Variants in FGD6 observed in about 807,000 individuals in gnomAD.
FGD6 encodes FYVE, RhoGEF and PH domain containing 6, also known as FYVE, RhoGEF and PH domain-containing protein 6.
FGD6 carries 90 observed loss-of-function variants against 149.4 expected under a neutral mutation model. The ratio of observed to expected loss-of-function variants is 0.60; its 90% CI spans 0.51 to 0.72. The LOEUF (loss-of-function observed/expected upper bound fraction) is 0.72. FGD6 is among the 30% of genes least tolerant of loss of function. The pLI is 0.00. For synonymous variants in FGD6, 527 were observed against 584.0 expected (o/e 0.90, Z 1.41); for missense variants, 1,437 against 1,684.8 (o/e 0.85, Z 2.57).
At chr12:95,115,817 C>T (rs1383461083) in intron 8 of FGD6, among the ~76,000 whole-genome samples, 2 of 152,154 alleles carry the variant, frequency 1.3e-5, no homozygotes, top group Non-Finnish European at 2.9e-5. Flanking sequence ...CAAACACGCG[C>T]CCAATTGCTG....
intron 3 of FGD6, among the ~76,000 whole-genome samples, chr12:95,169,942 G>A (rs775348735): frequency 6.6e-6 from 1 of 151,902 alleles, no homozygotes; most frequent in Non-Finnish European, 1.5e-5. Flanking sequence ...CCAACATGGT[G>A]AAACTCCTTC....
intron 2 of FGD6, among the ~76,000 whole-genome samples, chr12:95,176,805 AATT>A (rs1471708390): frequency 6.6e-6 from 1 of 152,048 alleles, no homozygotes; most frequent in Non-Finnish European, 1.5e-5. Flanking sequence ...TTTTAGAAGG[AATT>A]ATCTTTTAAA....
chr12:95,212,004 G>T (rs1371852661), intron 1 of FGD6, among the ~76,000 whole-genome samples: 2 of 151,998 alleles, frequency 1.3e-5, no homozygotes, highest in South Asian at 2.1e-4. Context: ...TGTCTACCTC[G>T]ATAGATAGAA....
intron 15 of FGD6, among the ~76,000 whole-genome samples, chr12:95,093,689 A>AG (rs1878141806): frequency 6.7e-6 from 1 of 150,256 alleles, no homozygotes; most frequent in African/African-American, 2.5e-5. Flanking sequence ...AAAAAAAAAA[A>AG]AATACAAAAA....
intron 8 of FGD6, chr12:95,125,937 T>A: frequency 6.9e-7 from 1 of 1,457,808 alleles, no homozygotes; most frequent in Non-Finnish European, 9.6e-7. Flanking sequence ...GCTCACTGAT[T>A]TCATCCTCAA....
chr12:95,125,466 C>T (rs1879307353), intron 8 of FGD6, among the ~76,000 whole-genome samples: 1 of 151,976 alleles, frequency 6.6e-6, no homozygotes, highest in Non-Finnish European at 1.5e-5. Flanking sequence ...GATCCCATCT[C>T]TACAAAAAAA....
At position 95,084,600 on chromosome 12, in the gene FGD6, A is replaced by G. The variant is rs778605673; in HGVS notation, c.4154T>C (p.Ile1385Thr). 13 of 1,607,258 alleles carry G rather than the reference A, an allele frequency of 8.1e-6. No individual in the cohort carries two copies. Among genetic ancestry groups the G allele is most frequent in the Non-Finnish European group, 1.0e-5 (12 of 1,178,006 alleles). Residue 1385 changes from isoleucine (I) to threonine (T), a missense_variant, in exon 20 of 21, where the codon ATT becomes ACT. By Grantham distance (89) the Ile-to-Thr change is moderately conservative. Around this residue, in one of 2 missense-constraint regions of FGD6, gnomAD observed 382 missense variants for 538.7 expected, o/e 0.71. Coordinates refer to ENST00000343958, the MANE Select transcript of FGD6 (RefSeq NM_018351.4). ...ESQPLLGFTV[I>T]QVKDENSESK... Reference sequence around the variant, plus strand: ...CTCGGAATTCTCATCTTTAACTTGAATAACAGTGAATCCTAATAAAGGCTG... The same window carrying G: ...CTCGGAATTCTCATCTTTAACTTGAGTAACAGTGAATCCTAATAAAGGCTG...
Position 95,141,533 on chromosome 12 carries a change from G to A in FGD6, c.2692C>T (p.Arg898Trp), listed in dbSNP as rs1269009624. ...CTGGAAGCATGAGCTACTGCATCCCGGAAATCCTATTACAGTCCAGAGCAG... is the reference window on the plus strand; with the variant it reads ...CTGGAAGCATGAGCTACTGCATCCCAGAAATCCTATTACAGTCCAGAGCAG... ...DVLKLLHIDF[R>W]DAVAHASRQL... Residue 898 changes from arginine to tryptophan, a missense_variant, in exon 6 of 21, where the codon CGG becomes TGG. Around this residue, in one of 2 missense-constraint regions of FGD6, gnomAD observed 1,055 missense variants for 1,146.0 expected, o/e 0.92. Transcript: ENST00000343958. The A allele has an allele frequency of 9.9e-6, 16 of 1,613,874 alleles. No homozygotes were observed. Among genetic ancestry groups the A allele is most frequent in the South Asian group, 2.2e-5 (2 of 91,054 alleles).
At chr12:95,138,559 A>G (rs1183526837) in intron 6 of FGD6, among the ~76,000 whole-genome samples, 2 of 151,942 alleles carry the variant, frequency 1.3e-5, no homozygotes, top group African/African-American at 2.4e-5. Flanking sequence ...GAAAAAGAAA[A>G]AAAAAAAAAA....
intron 8 of FGD6, among the ~76,000 whole-genome samples, chr12:95,129,384 G>A (rs1230296211): frequency 6.6e-6 from 1 of 151,594 alleles, no homozygotes; most frequent in African/African-American, 2.4e-5. Flanking sequence ...TGCTGCTACC[G>A]CATGGGGATT....
chr12:95,108,560 A>T lies in FGD6; in HGVS notation c.3135T>A (p.Asp1045Glu). 1 of 1,614,038 alleles carries T rather than the reference A, an allele frequency of 6.2e-7. No homozygotes were observed. The highest frequency in any genetic ancestry group is 8.5e-7 in the Non-Finnish European group (1 of 1,179,880). Residue 1045 changes from aspartate (D) to glutamate (E), a missense_variant and splice_region_variant, in exon 10 of 21, where the codon GAT (aspartate) becomes GAA (glutamate). Asp to Glu is a conservative substitution (Grantham distance 45). Around this residue, in one of 2 missense-constraint regions of FGD6, gnomAD observed 382 missense variants for 538.7 expected, o/e 0.71. Transcript: ENST00000343958. The stretch of plus-strand genomic sequence containing the variant: ...CTACCTCTATAACAACAGCAAGGGC[A>T]TCTGAAATAGGCAGGAACAAAACGT... ...EDAGDYRDTQ[D>E]ALAVVIEVAN...
intron 3 of FGD6, among the ~76,000 whole-genome samples, chr12:95,171,323 T>C (rs185244270): frequency 2.2e-4 from 34 of 152,350 alleles, no homozygotes; most frequent in African/African-American, 8.2e-4. Flanking sequence ...GGCGAAATTA[T>C]GGCACATGAA....
intron 5 of FGD6, among the ~76,000 whole-genome samples, chr12:95,144,380 A>G (rs1166412844): frequency 6.6e-6 from 1 of 151,928 alleles, no homozygotes; most frequent in Non-Finnish European, 1.5e-5. Context: ...GTATATATCC[A>G]TGAAACCCAC....
chr12:95,086,536 CTTTTTTTTTTTT>C (rs1010739533), intron 18 of FGD6, among the ~76,000 whole-genome samples: 12 of 105,760 alleles, frequency 1.1e-4, no homozygotes, highest in African/African-American at 2.8e-4. Flanking sequence ...TTTTTTTTTT[CTTTTTTTTTTTT>C]TTTTTTTTTG....
rs563864979 is a variant in FGD6, at chr12:95,093,721, T to C, written c.3600+871A>G. On this transcript the variant is annotated intron_variant, in intron 15 of 20. Transcript: ENST00000343958. ...AAAATTAGCTGGTCATGGTGGCACG[T>C]GCCTGTAGTCCCAGCTACTTGGGAG... Among the ~76,000 whole-genome samples the C allele has an allele frequency of 3.3e-5, 5 of 150,554 alleles. No homozygotes were observed. The South Asian group carries it at 1.1e-3, about 32-fold the overall frequency.
intron 8 of FGD6, chr12:95,125,841 A>G (rs1879321852): frequency 2.9e-6 from 3 of 1,030,914 alleles, no homozygotes; most frequent in African/African-American, 1.6e-5. Context: ...CATTGTGATC[A>G]TAGATGTTAT....
chr12:95,193,757 G>A (rs1881658728), intron 2 of FGD6, among the ~76,000 whole-genome samples: 1 of 151,924 alleles, frequency 6.6e-6, no homozygotes, highest in Admixed American at 6.6e-5. Context: ...TCAAACTCCT[G>A]ACCCCAGGTG....
At chr12:95,186,228 C>CTTTTTTTTTTTTTTTTTT (rs1174763781) in intron 2 of FGD6, among the ~76,000 whole-genome samples, 5 of 38,998 alleles carry the variant, frequency 1.3e-4, no homozygotes, top group South Asian at 7.9e-4. Context: ...TATTCTTCTT[C>CTTTTTTTTTTTTTTTTTT]TTTTTTTTTT....
intron 7 of FGD6, among the ~76,000 whole-genome samples, chr12:95,136,795 G>C (rs955106923): frequency 3.3e-5 from 5 of 152,206 alleles, no homozygotes; most frequent in African/African-American, 1.2e-4. Context: ...AGGGCTGGGA[G>C]GGAAGAGAGA....
Sources: allele counts gnomAD v4.1 joint callset (sites outside exome capture counted in the v4.1 genomes callset), GRCh38; gene constraint gnomAD v4.1.1; regional missense constraint gnomAD v4.1.1; transcripts MANE v1.5; gene names NCBI Gene and HGNC (gene_info 2026-07-23, HGNC 2026-07-21).